MAN1C1: variants seen among roughly 807,000 people sequenced by gnomAD.
The protein encoded by MAN1C1 is mannosidase alpha class 1C member 1.
In MAN1C1, 49 loss-of-function variants were observed where a neutral mutation model predicts 71.5. The observed-to-expected ratio is 0.69, with a 90% confidence interval of 0.54 to 0.87. MAN1C1 has a LOEUF of 0.87. MAN1C1 is among the 40% of genes least tolerant of loss of function. MAN1C1 has a pLI of 0.00. For synonymous variants in MAN1C1, 352 were observed against 343.7 expected (o/e 1.02, Z -0.27); for missense variants, 743 against 835.0 (o/e 0.89, Z 1.36).
intron 7 of MAN1C1, among the ~76,000 whole-genome samples, chr1:25,770,343 G>A (rs535928452): frequency 1.6e-4 from 25 of 152,378 alleles, no homozygotes; most frequent in Admixed American, 3.3e-4. Context: ...AGGGCTGGAG[G>A]GGGCCGGAAG....
At chr1:25,636,550 C>G (rs986257638) in intron 1 of MAN1C1, among the ~76,000 whole-genome samples, 1 of 152,178 alleles carries the variant, frequency 6.6e-6, no homozygotes, top group African/African-American at 2.4e-5. Context: ...GCAGTCAGAC[C>G]TTATGGTTGT....
At chr1:25,688,079 G>A (rs1277904962) in intron 2 of MAN1C1, among the ~76,000 whole-genome samples, 1 of 152,058 alleles carries the variant, frequency 6.6e-6, no homozygotes, top group Non-Finnish European at 1.5e-5. Context: ...TGCTAATGTT[G>A]GGTAAAGATT....
At chr1:25,748,871 T>C (rs1388146582) in intron 3 of MAN1C1, among the ~76,000 whole-genome samples, 9 of 152,252 alleles carry the variant, frequency 5.9e-5, no homozygotes, top group African/African-American at 2.2e-4. Flanking sequence ...CTGCTGAGCC[T>C]TGGGGTCTCC....
At chr1:25,664,058 G>A (rs1332517830) in intron 1 of MAN1C1, among the ~76,000 whole-genome samples, 2 of 152,136 alleles carry the variant, frequency 1.3e-5, no homozygotes, top group African/African-American at 2.4e-5. Flanking sequence ...TCCCCAGAAG[G>A]GGGATGATCA....
intron 5 of MAN1C1, among the ~76,000 whole-genome samples, chr1:25,757,578 AAGG>A (rs2047304016): frequency 1.3e-5 from 2 of 152,200 alleles, no homozygotes; most frequent in Admixed American, 1.3e-4. Flanking sequence ...AAAGCCCAGG[AAGG>A]AGGAGGCATG....
intron 8 of MAN1C1, 107 bp downstream of exon 8, chr1:25,771,879 G>C: frequency 3.8e-6 from 3 of 786,492 alleles, no homozygotes; most frequent in Non-Finnish European, 6.5e-6. Flanking sequence ...GCCGAGACTT[G>C]CTCCCACCCC....
chr1:25,743,557 C>T (rs2047089103), intron 2 of MAN1C1, among the ~76,000 whole-genome samples: 1 of 152,148 alleles, frequency 6.6e-6, no homozygotes, highest in African/African-American at 2.4e-5. Context: ...CAGCCATGTG[C>T]CAGGTGGGAA....
intron 5 of MAN1C1, among the ~76,000 whole-genome samples, chr1:25,757,505 G>C (rs982292829): frequency 6.0e-5 from 1 of 16,784 alleles, no homozygotes; most frequent in South Asian, 2.9e-3. Flanking sequence ...AGGCACGGGG[G>C]GGGGGGGCAG....
Position 25,617,572 on chromosome 1 carries a change from C to T in MAN1C1, c.-226C>T, listed in dbSNP as rs932287572. The T allele has an allele frequency of 1.3e-5, 5 of 391,460 alleles. No homozygotes were observed. Among genetic ancestry groups the T allele is most frequent in the African/African-American group, 1.1e-4 (5 of 45,678 alleles). 24.2% of individuals were successfully genotyped at this position (391,460 alleles called of 1,614,324 possible). A position where few individuals can be genotyped will look rare whatever the true frequency, so the allele number is the denominator to read the frequency against. On this transcript the variant is annotated 5_prime_UTR_variant, in exon 1 of 12. Transcript: ENST00000374332. This position sits in a 1 kb window ranked among gnomAD's most constrained non-coding sequence, Gnocchi z 5.1. ...GCCCCAAGCCGTGCCGCTCCGCTCG[C>T]CCGGGCCCCGCCGAGGCCGCTGCGC...
intron 11 of MAN1C1, 50 bp from the exon 12 acceptor site, chr1:25,783,613 C>T: frequency 1.9e-6 from 3 of 1,595,684 alleles, no homozygotes; most frequent in Non-Finnish European, 8.5e-7. Context: ...CCTTCTTCCC[C>T]AGGCCACTGA....
chr1:25,625,219 G>A (rs986125703), intron 1 of MAN1C1, among the ~76,000 whole-genome samples: 2 of 151,824 alleles, frequency 1.3e-5, no homozygotes, highest in African/African-American at 4.8e-5. Context: ...TGGCCAGACT[G>A]GTCATGAACT....
intron 1 of MAN1C1, among the ~76,000 whole-genome samples, chr1:25,621,631 G>GTTTTTTTTTTTTTTTTTTT (rs1352668461): frequency 6.8e-6 from 1 of 148,052 alleles, no homozygotes; most frequent in African/African-American, 2.5e-5. Flanking sequence ...GTTTGTGTTT[G>GTTTTTTTTTTTTTTTTTTT]TTTTTTTTTT....
At chr1:25,709,273 G>A (rs191449749) in intron 2 of MAN1C1, among the ~76,000 whole-genome samples, 219 of 152,350 alleles carry the variant, frequency 1.4e-3, no homozygotes, top group Non-Finnish European at 1.2e-3. Flanking sequence ...GGAGGAGGCA[G>A]TAAGACCGGC....
At chr1:25,733,766 G>C (rs2046942135) in intron 2 of MAN1C1, among the ~76,000 whole-genome samples, 1 of 151,854 alleles carries the variant, frequency 6.6e-6, no homozygotes, top group South Asian at 2.1e-4. Flanking sequence ...GGGACAATGA[G>C]TTTTTATTTT....
intron 1 of MAN1C1, among the ~76,000 whole-genome samples, chr1:25,653,669 C>T (rs1051838378): frequency 1.3e-5 from 2 of 152,204 alleles, no homozygotes; most frequent in South Asian, 2.1e-4. Flanking sequence ...TTCCCCAGAA[C>T]GAGGCTGCTG....
At chr1:25,783,558 C>A in intron 11 of MAN1C1, 105 bp from the exon 12 acceptor site, 1 of 1,333,482 alleles carries the variant, frequency 7.5e-7, no homozygotes, top group Non-Finnish European at 1.1e-6. Context: ...CAGACCTTGA[C>A]CATAGGCCTA....
At chr1:25,751,539 T>G (rs965465087) in intron 4 of MAN1C1, among the ~76,000 whole-genome samples, 2 of 152,170 alleles carry the variant, frequency 1.3e-5, no homozygotes, top group Non-Finnish European at 2.9e-5. Context: ...CTCAAAAGAC[T>G]CAAGGAGGGG....
At chr1:25,729,473 T>C (rs995273610) in intron 2 of MAN1C1, among the ~76,000 whole-genome samples, 2 of 149,570 alleles carry the variant, frequency 1.3e-5, no homozygotes, top group African/African-American at 5.1e-5. Flanking sequence ...ATTTTCTTTT[T>C]CTTCTTTTTT....
At chr1:25,661,261 C>T (rs936554772) in intron 1 of MAN1C1, among the ~76,000 whole-genome samples, 23 of 152,236 alleles carry the variant, frequency 1.5e-4, no homozygotes, top group Non-Finnish European at 3.1e-4. Context: ...TTTCCTTTTA[C>T]TGTCTTGCCC....
Sources: allele counts gnomAD v4.1 joint callset (sites outside exome capture counted in the v4.1 genomes callset), GRCh38; gene constraint gnomAD v4.1.1; non-coding constraint Gnocchi (gnomAD v3.1); transcripts MANE v1.5; gene names NCBI Gene and HGNC (gene_info 2026-07-23, HGNC 2026-07-21).